HERC1: variants seen among roughly 807,000 people sequenced by gnomAD.
The protein encoded by HERC1 is probable E3 ubiquitin-protein ligase HERC1.
Under a neutral mutation model 554.3 loss-of-function variants are expected in HERC1, and 160 were observed. The ratio of observed to expected loss-of-function variants is 0.29; its 90% CI spans 0.25 to 0.33. The LOEUF is 0.33. Among genes scored for constraint, HERC1 ranks in the 10% least tolerant of loss-of-function variants. HERC1 has a pLI of 1.00. For synonymous variants in HERC1, 2,175 were observed against 2,131.7 expected (o/e 1.02, Z -0.56); for missense variants, 4,919 against 5,918.5 (o/e 0.83, Z 5.54).
chr15:63,674,798 C>G lies in HERC1; in HGVS notation c.7390G>C (p.Ala2464Pro). The stretch of plus-strand genomic sequence containing the variant: ...AGTGTTGGATCTAAAGAAAATGAAG[C>G]GATTTCATTTTCTGATTTGGAGCTT... ...TTSSKSENEI[A>P]SFSLDPTLPS... Residue 2464 changes from alanine to proline, a missense_variant, in exon 38 of 78, where the codon GCT (alanine) becomes CCT (proline). By Grantham distance (27) the Ala-to-Pro change is conservative (BLOSUM62 -1). Transcript: ENST00000443617. The G allele has an allele frequency of 6.2e-7, 1 of 1,613,772 alleles. No homozygotes were observed. The highest frequency in any genetic ancestry group is 8.5e-7 in the Non-Finnish European group (1 of 1,179,778).
At chr15:63,815,756 A>G (rs1430097933) in intron 1 of HERC1, among the ~76,000 whole-genome samples, 12 of 152,194 alleles carry the variant, frequency 7.9e-5, no homozygotes, top group South Asian at 4.1e-4. Flanking sequence ...GCTGCTGTGA[A>G]GAAATACCCA....
chr15:63,787,510 T>A (rs964644186), intron 1 of HERC1, among the ~76,000 whole-genome samples: 1 of 152,052 alleles, frequency 6.6e-6, no homozygotes, highest in Non-Finnish European at 1.5e-5. Context: ...TTCCCCAAAA[T>A]GAACTGAGGG....
intron 14 of HERC1, 84 bp downstream of exon 14, chr15:63,732,840 T>C (rs2074353035): frequency 1.0e-5 from 9 of 875,140 alleles, no homozygotes; most frequent in Non-Finnish European, 1.5e-5. Flanking sequence ...ATTTCTATCA[T>C]AGGTGTTTAA....
chr15:63,726,273 T>C (rs1331846466), intron 17 of HERC1, among the ~76,000 whole-genome samples: 1 of 152,186 alleles, frequency 6.6e-6, no homozygotes, highest in Non-Finnish European at 1.5e-5. Flanking sequence ...TGAGCCATCA[T>C]GCCGGGCCCA....
At chr15:63,637,075 T>C (rs1265371887) in intron 64 of HERC1, 1 of 455,612 alleles carries the variant, frequency 2.2e-6, no homozygotes, top group African/African-American at 2.0e-5. Flanking sequence ...TACAGTGGTT[T>C]CTCCAAAGGT....
intron 7 of HERC1, 47 bp from the exon 8 acceptor site, chr15:63,753,132 C>T (rs1204056299): frequency 6.9e-7 from 1 of 1,455,402 alleles, no homozygotes; most frequent in Non-Finnish European, 9.2e-7. Flanking sequence ...TAAAGAACCT[C>T]TACTCTTTTT....
chr15:63,793,116 C>T (rs1427111513), intron 1 of HERC1, among the ~76,000 whole-genome samples: 2 of 152,240 alleles, frequency 1.3e-5, no homozygotes, highest in African/African-American at 4.8e-5. Flanking sequence ...GGATGCCACC[C>T]TCCAGGAACT....
At chr15:63,643,344 CAT>C (rs764537311) in intron 58 of HERC1, 58 bp downstream of exon 58, 680 of 1,420,168 alleles carry the variant, frequency 4.8e-4, no homozygotes, top group Middle Eastern at 1.8e-3. Flanking sequence ...ATTTTTATCA[CAT>C]GTGTTTAAGT....
intron 1 of HERC1, among the ~76,000 whole-genome samples, chr15:63,820,673 A>G (rs761069936): frequency 6.6e-6 from 1 of 152,052 alleles, no homozygotes. Flanking sequence ...CAAAAGCAAC[A>G]GAGACGTTAT....
intron 25 of HERC1, among the ~76,000 whole-genome samples, chr15:63,705,544 G>A (rs1399617968): frequency 1.3e-5 from 2 of 151,724 alleles, no homozygotes; most frequent in South Asian, 4.2e-4. Context: ...CCTCATTTCT[G>A]TTTTTTTTCT....
Position 63,628,705 on chromosome 15 carries a change from T to C in HERC1, c.13077A>G (p.Thr4359=), listed in dbSNP as rs763650864. Residue 4359 remains threonine (T), a synonymous_variant, in exon 70 of 78, where the codon ACA becomes ACG. Transcript: ENST00000443617. ...GTGCTCTTGGTGGGACAGGTGGTGC[T>C]GTCCATGCAGCACTGTGGCAGCGGC... ...SAGRCHSAAW[T]APPVPPRAPG... is the part of the protein sequence containing the mutation. The C allele has an allele frequency of 1.2e-6, 2 of 1,613,316 alleles. No homozygotes were observed. The highest frequency in any genetic ancestry group is 1.3e-5 in the African/African-American group (1 of 75,000).
intron 55 of HERC1, among the ~76,000 whole-genome samples, chr15:63,646,579 A>T (rs1273980858): frequency 6.6e-6 from 1 of 151,622 alleles, no homozygotes; most frequent in African/African-American, 2.4e-5. Flanking sequence ...AGGTGGGCGG[A>T]TCATGAAGTC....
At chr15:63,662,290 T>G (rs929401887) in intron 44 of HERC1, among the ~76,000 whole-genome samples, 1 of 152,152 alleles carries the variant, frequency 6.6e-6, no homozygotes, top group African/African-American at 2.4e-5. Flanking sequence ...CATGACAATC[T>G]GTCCTATCTC....
In HERC1 at chr15:63,756,238, A is replaced by G. The variant is rs1184113359; in HGVS notation, c.1533+199T>C. Among the ~76,000 whole-genome samples, 1 of 147,002 alleles carries G rather than the reference A, an allele frequency of 6.8e-6. No homozygotes were observed. Among genetic ancestry groups the G allele is most frequent in the Non-Finnish European group, 1.5e-5 (1 of 66,448 alleles). The stretch of plus-strand genomic sequence containing the variant: ...ATAGGGATAATAACTACCTTACAAG[A>G]ATAATTATAAGAATATAAGAATTAA... On this transcript the variant is annotated intron_variant, in intron 5 of 77. Transcript: ENST00000443617. This position sits in a 1 kb window ranked among gnomAD's most constrained non-coding sequence, Gnocchi z 5.0.
intron 1 of HERC1, among the ~76,000 whole-genome samples, chr15:63,819,930 C>T (rs187783877): frequency 4.6e-5 from 7 of 152,204 alleles, no homozygotes; most frequent in Admixed American, 6.5e-5. Flanking sequence ...AGGTTTTACC[C>T]CATAAGTTTA....
chr15:63,778,759 T>C (rs1010386650), intron 1 of HERC1, among the ~76,000 whole-genome samples: 1 of 152,316 alleles, frequency 6.6e-6, no homozygotes, highest in East Asian at 1.9e-4. Context: ...TACAGAGCTA[T>C]TGCAGAAAAC....
chr15:63,772,293 G>T (rs1167297786), intron 2 of HERC1, among the ~76,000 whole-genome samples: 2 of 152,110 alleles, frequency 1.3e-5, no homozygotes, highest in African/African-American at 4.8e-5. Flanking sequence ...TAGAAGGTAA[G>T]GTCCTCGAGG....
chr15:63,754,681 A>G, intron 6 of HERC1, 33 bp from the exon 7 acceptor site: 1 of 1,597,352 alleles, frequency 6.3e-7, no homozygotes, highest in Admixed American at 1.7e-5. Flanking sequence ...ACAAAGAAAC[A>G]ACATTAACTC....
intron 2 of HERC1, among the ~76,000 whole-genome samples, chr15:63,766,409 A>G (rs2075778777): frequency 6.6e-6 from 1 of 152,010 alleles, no homozygotes; most frequent in African/African-American, 2.4e-5. Flanking sequence ...CCAACATGGT[A>G]AAACCTTGTC....
Sources: allele counts gnomAD v4.1 joint callset (sites outside exome capture counted in the v4.1 genomes callset), GRCh38; gene constraint gnomAD v4.1.1; non-coding constraint Gnocchi (gnomAD v3.1); transcripts MANE v1.5; gene names NCBI Gene and HGNC (gene_info 2026-07-23, HGNC 2026-07-21).